Variants in S100Z observed in about 807,000 individuals in gnomAD.
The protein encoded by S100Z is S100 calcium binding protein Z, also known as protein S100-Z.
S100Z carries 11 observed loss-of-function variants against 8.5 expected under a neutral mutation model. The observed-to-expected ratio is 1.30, with a 90% CI of 0.82 to 2.15. The LOEUF (loss-of-function observed/expected upper bound fraction) is 2.15, where lower values mean the gene tolerates loss of function less well. S100Z is among the 30% of genes most tolerant of loss of function. S100Z has a pLI of 0.00. For synonymous variants in S100Z, 34 were observed against 43.8 expected, an observed-to-expected ratio of 0.78 and a Z score of 0.89; for missense variants, 126 against 117.9, an observed-to-expected ratio of 1.07 and a Z score of -0.32.
chr5:76,919,014 T>C (rs917505005), intron 4 of S100Z, among the ~76,000 whole-genome samples: 1 of 152,266 alleles, frequency 6.6e-6, no homozygotes, highest in African/African-American at 2.4e-5. Context: ...TTTTCATGGC[T>C]TGATAGCTTA....
chr5:76,913,272 C>T (rs1226952338), intron 4 of S100Z, among the ~76,000 whole-genome samples: 3 of 152,192 alleles, frequency 2.0e-5, no homozygotes, highest in African/African-American at 7.2e-5. Context: ...ATACAAAGGT[C>T]CGATCAGACC....
intron 2 of S100Z, among the ~76,000 whole-genome samples, chr5:76,870,491 T>C (rs545515513): frequency 6.6e-5 from 10 of 152,326 alleles, no homozygotes; most frequent in African/African-American, 1.9e-4. Context: ...GGAGCTACCT[T>C]GCTGGAGCAG....
At chr5:76,887,799 C>A (rs1743700490) in intron 4 of S100Z, among the ~76,000 whole-genome samples, 1 of 152,264 alleles carries the variant, frequency 6.6e-6, no homozygotes, top group South Asian at 2.1e-4. Context: ...AGTGCTAAGA[C>A]CTGCCATTTT....
At chr5:76,866,093 G>T (rs1751264926) in intron 1 of S100Z, among the ~76,000 whole-genome samples, 1 of 151,174 alleles carries the variant, frequency 6.6e-6, no homozygotes, top group Non-Finnish European at 1.5e-5. Flanking sequence ...TTGTTTGTTT[G>T]CTTGTTTTTG....
chr5:76,906,641 G>T (rs199863593), intron 4 of S100Z, among the ~76,000 whole-genome samples: 1 of 149,036 alleles, frequency 6.7e-6, no homozygotes, highest in African/African-American at 2.5e-5. Flanking sequence ...TTTGTTTTTT[G>T]TTTTTTTTTG....
intron 4 of S100Z, among the ~76,000 whole-genome samples, chr5:76,888,666 G>A (rs930676800): frequency 6.6e-6 from 1 of 151,922 alleles, no homozygotes; most frequent in Non-Finnish European, 1.5e-5. Context: ...GTGAGCCACC[G>A]CGCCCAGCCA....
chr5:76,906,905 A>G (rs545039085), intron 4 of S100Z, among the ~76,000 whole-genome samples: 56 of 150,628 alleles, frequency 3.7e-4, no homozygotes, highest in African/African-American at 1.3e-3. Flanking sequence ...TGGTGGGATT[A>G]CAAGCGAAAG....
At chr5:76,922,649 G>A (rs928184370), downstream of S100Z, among the ~76,000 whole-genome samples, 2 of 151,950 alleles carry the variant, frequency 1.3e-5, no homozygotes, top group Non-Finnish European at 2.9e-5. Context: ...TCAGCCTCCC[G>A]AGTAGCTGGG....
At chr5:76,927,363 T>C in the S100Z span, among the ~76,000 whole-genome samples, 1 of 152,214 alleles carries the variant, frequency 6.6e-6, no homozygotes, top group African/African-American at 2.4e-5. Flanking sequence ...CAGGTGTCAG[T>C]GGAAGATGCC....
the S100Z span, among the ~76,000 whole-genome samples, chr5:76,942,446 A>C: frequency 6.6e-6 from 1 of 151,226 alleles, no homozygotes; most frequent in African/African-American, 2.4e-5. Flanking sequence ...AAAAAAAAGC[A>C]AAAACCTCTA....
At chr5:76,899,712 A>G (rs190062391) in intron 4 of S100Z, among the ~76,000 whole-genome samples, 1 of 152,214 alleles carries the variant, frequency 6.6e-6, no homozygotes, top group African/African-American at 2.4e-5. Flanking sequence ...ATGTCTTCAA[A>G]AGTTGTTGTA....
chr5:76,946,616 A>G, the S100Z span, among the ~76,000 whole-genome samples: 4 of 152,172 alleles, frequency 2.6e-5, no homozygotes. Flanking sequence ...CTTCTAATTT[A>G]ATAATAATAT....
intron 4 of S100Z, among the ~76,000 whole-genome samples, chr5:76,896,986 G>A (rs116034473): frequency 0.013 from 1,944 of 152,080 alleles, 34 homozygotes; most frequent in African/African-American, 0.043. Flanking sequence ...ATTTGTTTCC[G>A]GGTTCTCTAT....
intron 2 of S100Z, among the ~76,000 whole-genome samples, chr5:76,870,567 AT>A (rs1561227858): frequency 1.3e-5 from 2 of 151,966 alleles, no homozygotes; most frequent in Non-Finnish European, 2.9e-5. Flanking sequence ...CCTCAGTAAG[AT>A]TCCTGAGTAA....
the S100Z span, among the ~76,000 whole-genome samples, chr5:76,926,767 A>T: frequency 1.3e-5 from 2 of 152,330 alleles, no homozygotes; most frequent in East Asian, 3.9e-4. Flanking sequence ...AGGAATTGAC[A>T]GTTTCCAGCT....
chr5:76,905,412 T>C (rs967715711), intron 4 of S100Z, among the ~76,000 whole-genome samples: 8 of 152,136 alleles, frequency 5.3e-5, no homozygotes, highest in African/African-American at 1.9e-4. Context: ...TTTTTATTTA[T>C]TTATTTTTAT....
rs1244848598 is a variant in S100Z, at chr5:76,919,550, CCCTT to C, written c.*3-1154_*3-1151del. On this transcript the variant is annotated intron_variant, in intron 4 of 4. Transcript: ENST00000317593. ...TTCCTCCCTCCCTCCCTCCCTCCCT[CCCTT>C]CCTTCCTTCCTTTCTCTCTCTCTCT... Among the ~76,000 whole-genome samples the C allele has an allele frequency of 8.7e-3, 675 of 77,324 alleles. 13 individuals carry two copies. Among genetic ancestry groups the C allele is most frequent in the African/African-American group, 0.022 (624 of 27,972 alleles). The allele number at this position is 77,324 out of a possible 152,430, so 50.7% of individuals were successfully genotyped here.
chr5:76,946,874 T>C, the S100Z span, among the ~76,000 whole-genome samples: 2 of 152,184 alleles, frequency 1.3e-5, no homozygotes, highest in Non-Finnish European at 2.9e-5. Context: ...TTTGTTTTGT[T>C]TAACTCTTTT....
intron 1 of S100Z, among the ~76,000 whole-genome samples, chr5:76,859,391 A>C (rs1750982189): frequency 6.6e-6 from 1 of 152,196 alleles, no homozygotes; most frequent in Non-Finnish European, 1.5e-5. Context: ...TCTTTCTAGA[A>C]TCGAGGTCTT....
Sources: gnomAD v4.1 joint callset for allele counts (sites outside exome capture counted in the v4.1 genomes callset) on GRCh38, gnomAD v4.1.1 for gene constraint, MANE v1.5 for transcripts, NCBI Gene and HGNC (gene_info 2026-07-23, HGNC 2026-07-21) for gene names.